Variants in ZCCHC7 observed in about 807,000 individuals in gnomAD.
The protein encoded by ZCCHC7 is zinc finger CCHC-type containing 7, also known as zinc finger CCHC domain-containing protein 7.
A neutral mutation model predicts 52.0 loss-of-function variants in ZCCHC7; 35 were observed. The observed-to-expected ratio is 0.67, with a 90% CI of 0.51 to 0.89. The LOEUF is 0.89. Ranked by LOEUF, ZCCHC7 falls within the 40% of genes least tolerant of loss-of-function variation. ZCCHC7 has a pLI of 0.00. For missense variants in ZCCHC7, 574 were observed against 649.1 expected (o/e 0.88, Z 1.26); for synonymous variants, 217 against 221.5 (o/e 0.98, Z 0.18).
intron 2 of ZCCHC7, among the ~76,000 whole-genome samples, chr9:37,221,127 T>C (rs1356628385): frequency 6.6e-6 from 1 of 152,208 alleles, no homozygotes; most frequent in Non-Finnish European, 1.5e-5. Flanking sequence ...AGCACCCTTA[T>C]TGCCCTGAGG....
chr9:37,152,124 G>A (rs1820562409), intron 2 of ZCCHC7, among the ~76,000 whole-genome samples: 1 of 152,162 alleles, frequency 6.6e-6, no homozygotes, highest in South Asian at 2.1e-4. Context: ...TCCCTGGAGT[G>A]CTCTAAAGAA....
chr9:37,315,620 T>C (rs1169760131), intron 5 of ZCCHC7, among the ~76,000 whole-genome samples: 1 of 151,776 alleles, frequency 6.6e-6, no homozygotes, highest in Non-Finnish European at 1.5e-5. Context: ...GTGAGGTAGT[T>C]TCAGATATAA....
chr9:37,199,730 C>G (rs1823520990), intron 2 of ZCCHC7, among the ~76,000 whole-genome samples: 1 of 148,938 alleles, frequency 6.7e-6, no homozygotes, highest in East Asian at 2.0e-4. Flanking sequence ...CTTTCTTTCT[C>G]CTTTTCTCTC....
At chr9:37,177,278 T>G (rs1004647126) in intron 2 of ZCCHC7, among the ~76,000 whole-genome samples, 6 of 152,146 alleles carry the variant, frequency 3.9e-5, no homozygotes, top group African/African-American at 1.4e-4. Flanking sequence ...GAGTTTGCAG[T>G]GAGCTGAGAC....
Position 37,230,382 on chromosome 9 carries a change from A to T in ZCCHC7, c.611-71806A>T, listed in dbSNP as rs577317718. On this transcript the variant is annotated intron_variant, in intron 2 of 8. Coordinates refer to ENST00000336755, the MANE Select transcript of ZCCHC7 (RefSeq NM_032226.3). ...GACTACACCATCACTAGGTGATAGG[A>T]ATTTTATGGGACAGCTGCCATATAC... Among the ~76,000 whole-genome samples, 6 of 152,312 alleles carry T rather than the reference A, an allele frequency of 3.9e-5. No individual in the cohort carries two copies. In the South Asian group the frequency reaches 1.0e-3, roughly 26 times the overall value.
intron 5 of ZCCHC7, among the ~76,000 whole-genome samples, 161 bp from the exon 6 acceptor site, chr9:37,327,638 A>T (rs1367567547): frequency 6.6e-6 from 1 of 152,100 alleles, no homozygotes; most frequent in Non-Finnish European, 1.5e-5. Flanking sequence ...AATTCAATTA[A>T]ACTGTCTAGC....
chr9:37,327,102 C>A (rs1287718375), intron 5 of ZCCHC7: 1 of 151,960 alleles, frequency 6.6e-6, no homozygotes, highest in Non-Finnish European at 1.5e-5. Flanking sequence ...GTTGTTCCTG[C>A]TATTGTTTAT....
chr9:37,259,775 C>T (rs780017605), intron 2 of ZCCHC7, among the ~76,000 whole-genome samples: 3 of 152,088 alleles, frequency 2.0e-5, no homozygotes, highest in Non-Finnish European at 4.4e-5. Flanking sequence ...TTCCAAGAAA[C>T]CAAATGACTT....
intron 2 of ZCCHC7, among the ~76,000 whole-genome samples, chr9:37,158,355 G>A (rs1483654960): frequency 2.6e-5 from 4 of 152,190 alleles, no homozygotes; most frequent in African/African-American, 9.7e-5. Flanking sequence ...TAAGCACTTA[G>A]CCCCATGTTG....
intron 5 of ZCCHC7, among the ~76,000 whole-genome samples, chr9:37,307,756 G>GTA (rs1204892292): frequency 6.6e-6 from 1 of 151,962 alleles, no homozygotes; most frequent in African/African-American, 2.4e-5. Context: ...TGAGTGTTTG[G>GTA]TATATATATG....
chr9:37,166,151 C>G (rs954677798), intron 2 of ZCCHC7, among the ~76,000 whole-genome samples: 1 of 151,806 alleles, frequency 6.6e-6, no homozygotes, highest in Non-Finnish European at 1.5e-5. Context: ...AATCCCAGCA[C>G]TTTGGGAGGC....
chr9:37,288,502 T>A (rs1267595063), intron 2 of ZCCHC7, among the ~76,000 whole-genome samples: 1 of 152,092 alleles, frequency 6.6e-6, no homozygotes, highest in Non-Finnish European at 1.5e-5. Flanking sequence ...TTATGGTGAA[T>A]GAATATTTCT....
intron 2 of ZCCHC7, among the ~76,000 whole-genome samples, chr9:37,145,587 A>G (rs1361703221): frequency 1.3e-5 from 2 of 151,946 alleles, no homozygotes; most frequent in African/African-American, 2.4e-5. Context: ...ACAAGCCTTA[A>G]TTGAAAAGGA....
At chr9:37,329,177 AT>A (rs1830359724) in intron 6 of ZCCHC7, among the ~76,000 whole-genome samples, 1 of 151,728 alleles carries the variant, frequency 6.6e-6, no homozygotes, top group Non-Finnish European at 1.5e-5. Flanking sequence ...CATTGCATTT[AT>A]TTTAGCTTTT....
At chr9:37,353,012 CA>C (rs767799407) in intron 7 of ZCCHC7, among the ~76,000 whole-genome samples, 2 of 151,844 alleles carry the variant, frequency 1.3e-5, no homozygotes, top group African/African-American at 2.4e-5. Flanking sequence ...TCAACAAAAC[CA>C]AAAGCTGATT....
intron 2 of ZCCHC7, among the ~76,000 whole-genome samples, chr9:37,261,329 C>T (rs529969874): frequency 3.7e-4 from 57 of 152,198 alleles, no homozygotes; most frequent in South Asian, 8.3e-4. Flanking sequence ...AAGGTAAAGA[C>T]GTCAAAGTCA....
chr9:37,288,289 A>C (rs1828354385), intron 2 of ZCCHC7, among the ~76,000 whole-genome samples: 1 of 151,324 alleles, frequency 6.6e-6, no homozygotes, highest in Non-Finnish European at 1.5e-5. Context: ...CAAAAAAAAA[A>C]AAAAATCTAT....
rs376816255 is a variant in ZCCHC7 at position 37,161,109 on chromosome 9, C to T, written c.610+34167C>T. On this transcript the variant is annotated intron_variant, in intron 2 of 8. Transcript: ENST00000336755. ...GGATTACAGGCACAGGCCACCACAACTGGCTAATTTTTGTATTTTTAGTGG... is the reference window on the plus strand; with the variant it reads ...GGATTACAGGCACAGGCCACCACAATTGGCTAATTTTTGTATTTTTAGTGG... 2.6e-5 allele frequency among the ~76,000 whole-genome samples: 4 copies of T among 151,850 alleles called. No homozygotes were observed. In the South Asian group the frequency reaches 8.3e-4, roughly 32 times the overall value.
chr9:37,215,221 A>T (rs1379129036), intron 2 of ZCCHC7, among the ~76,000 whole-genome samples: 1 of 152,122 alleles, frequency 6.6e-6, no homozygotes, highest in Admixed American at 6.5e-5. Context: ...GTAAAAGCTG[A>T]TGGATTCCCA....
Sources: gnomAD v4.1 joint callset for allele counts (sites outside exome capture counted in the v4.1 genomes callset) on GRCh38, gnomAD v4.1.1 for gene constraint, MANE v1.5 for transcripts, NCBI Gene and HGNC (gene_info 2026-07-23, HGNC 2026-07-21) for gene names.